Variants in PTK2B observed in about 807,000 individuals in gnomAD.
PTK2B encodes protein-tyrosine kinase 2-beta.
Under a neutral mutation model 142.9 loss-of-function variants are expected in PTK2B, and 71 were observed. The observed-to-expected ratio is 0.50, with a 90% CI of 0.41 to 0.61. PTK2B has a LOEUF of 0.61. Ranked by LOEUF, PTK2B falls within the 20% of genes least tolerant of loss-of-function variation. The probability of loss-of-function intolerance (pLI) is 0.00; values close to 1 mark genes in which losing one functional copy is unlikely to be tolerated. For synonymous variants in PTK2B, 519 were observed against 503.4 expected (o/e 1.03, Z -0.42); for missense variants, 1,105 against 1,320.4 (o/e 0.84, Z 2.53).
intron 2 of PTK2B, among the ~76,000 whole-genome samples, chr8:27,419,005 G>A (rs1393797928): frequency 6.6e-6 from 1 of 151,454 alleles, no homozygotes; most frequent in African/African-American, 2.4e-5. Flanking sequence ...TCCAGCCTGG[G>A]TGACAGAGCG....
intron 1 of PTK2B, among the ~76,000 whole-genome samples, chr8:27,380,137 A>T (rs1473283619): frequency 6.6e-6 from 1 of 151,252 alleles, no homozygotes; most frequent in Non-Finnish European, 1.5e-5. Context: ...ATTCTCAGGG[A>T]CTTGCTACTC....
chr8:27,437,017 C>G, intron 15 of PTK2B, 105 bp from the exon 16 acceptor site: 1 of 1,095,294 alleles, frequency 9.1e-7, no homozygotes, highest in Non-Finnish European at 1.4e-6. Context: ...AGAAAGGGCC[C>G]TTTCCTGGCA....
At chr8:27,339,359 C>T (rs188226259) in intron 1 of PTK2B, among the ~76,000 whole-genome samples, 9 of 152,318 alleles carry the variant, frequency 5.9e-5, no homozygotes, top group Non-Finnish European at 1.0e-4. Flanking sequence ...TCTCCTTCTA[C>T]CTTCTCTGGG....
chr8:27,453,721 T>C (rs1406468701), intron 28 of PTK2B, among the ~76,000 whole-genome samples: 2 of 152,116 alleles, frequency 1.3e-5, no homozygotes, highest in African/African-American at 4.8e-5. Context: ...CTTTACTAAA[T>C]TTTTTTAAAA....
chr8:27,406,383 C>A (rs11135991), intron 2 of PTK2B, among the ~76,000 whole-genome samples: 1 of 151,994 alleles, frequency 6.6e-6, no homozygotes, highest in East Asian at 1.9e-4. Context: ...CCCATTATGA[C>A]CTTCAATTCA....
At chr8:27,453,242 A>T in intron 28 of PTK2B, 82 bp downstream of exon 28, 2 of 1,553,618 alleles carry the variant, frequency 1.3e-6, no homozygotes, top group Non-Finnish European at 1.8e-6. Context: ...AAAGATTCAC[A>T]GTTCTCAGAT....
intron 2 of PTK2B, among the ~76,000 whole-genome samples, chr8:27,401,716 A>G (rs894317224): frequency 6.6e-6 from 1 of 152,240 alleles, no homozygotes; most frequent in Admixed American, 6.5e-5. Context: ...ATTTAAAACT[A>G]TGAGTGACAT....
intron 1 of PTK2B, among the ~76,000 whole-genome samples, chr8:27,370,262 C>T (rs1211915409): frequency 6.6e-6 from 1 of 152,202 alleles, no homozygotes; most frequent in Non-Finnish European, 1.5e-5. Context: ...GTGCACTACC[C>T]AGTGGATTTA....
At chr8:27,310,681 G>T, upstream of PTK2B, 1 of 1,198,842 alleles carries the variant, frequency 8.3e-7, no homozygotes, top group Non-Finnish European at 1.2e-6. Context: ...GGTCCTGCAT[G>T]CTGGGAGCGA....
intron 1 of PTK2B, among the ~76,000 whole-genome samples, chr8:27,359,970 A>G (rs1586157352): frequency 1.3e-5 from 2 of 152,320 alleles, no homozygotes; most frequent in South Asian, 4.1e-4. Context: ...GGTGGCCTCC[A>G]TAGCTTTAGT....
At chr8:27,382,997 C>G (rs984036159) in intron 1 of PTK2B, among the ~76,000 whole-genome samples, 3 of 152,084 alleles carry the variant, frequency 2.0e-5, no homozygotes, top group Non-Finnish European at 4.4e-5. Flanking sequence ...ATGCCTCCAG[C>G]TTTGCTCTTT....
intron 2 of PTK2B, 88 bp from the exon 3 acceptor site, chr8:27,419,792 CAGAATCCCACCCTAG>C: frequency 7.9e-7 from 1 of 1,263,790 alleles, no homozygotes; most frequent in Non-Finnish European, 1.1e-6. Context: ...AACATGAAGA[CAGAATCCCACCCTAG>C]AGAATCCCAC....
At chr8:27,414,795 T>C (rs1045860855) in intron 2 of PTK2B, among the ~76,000 whole-genome samples, 3 of 152,060 alleles carry the variant, frequency 2.0e-5, no homozygotes, top group Non-Finnish European at 2.9e-5. Context: ...CTCCCCCCTT[T>C]GGTTACTTCT....
At position 27,434,576 on chromosome 8, in the gene PTK2B, A is replaced by G. The variant is rs1810656350; in HGVS notation, c.1192+17A>G. ...GCAGCATAGGTGAGCTGCCCGCTGC[A>G]TCCTCCACCTGCTCCAGTTGCCTCC... is the stretch of plus-strand genomic sequence containing the variant. On this transcript the variant is annotated intron_variant, in intron 13 of 30. Coordinates refer to ENST00000346049, the MANE Select transcript of PTK2B (RefSeq NM_173176.3). 6.3e-7 allele frequency: 1 copy of G among 1,596,658 alleles called. No individual in the cohort carries two copies.
intron 2 of PTK2B, among the ~76,000 whole-genome samples, chr8:27,407,825 GCTAGCTA>G (rs1465472635): frequency 6.6e-6 from 1 of 152,094 alleles, no homozygotes; most frequent in African/African-American, 2.4e-5. Flanking sequence ...CCATCACAAT[GCTAGCTA>G]CCATTTTTTG....
chr8:27,385,290 G>A (rs995059769), intron 1 of PTK2B, among the ~76,000 whole-genome samples: 3 of 152,316 alleles, frequency 2.0e-5, no homozygotes, highest in South Asian at 2.1e-4. Context: ...GGAAGAGGAC[G>A]AATGCTCAAG....
At chr8:27,400,985 A>G (rs1485033982) in intron 2 of PTK2B, among the ~76,000 whole-genome samples, 1 of 152,016 alleles carries the variant, frequency 6.6e-6, no homozygotes, top group Non-Finnish European at 1.5e-5. Context: ...ATCTCTACCA[A>G]AAAATTAGCT....
chr8:27,442,899 C>T lies in PTK2B; in HGVS notation c.2064C>T (p.Asp688=). The T allele has an allele frequency of 6.2e-7, 1 of 1,614,144 alleles. No individual in the cohort carries two copies. The highest frequency in any genetic ancestry group is 8.5e-7 in the Non-Finnish European group (1 of 1,179,986). ...SLSDVYQMEK[D]IAMEQERNAR... ...GTGACGTTTATCAGATGGAGAAGGACATTGCCATGGAGCAAGAGAGGAATG... is the reference window on the plus strand; with the variant it reads ...GTGACGTTTATCAGATGGAGAAGGATATTGCCATGGAGCAAGAGAGGAATG... The change falls in exon 22 of 31, where the codon GAC becomes GAT. Residue 688 remains aspartate, a synonymous_variant. Transcript: ENST00000346049.
At chr8:27,315,172 T>C (rs1490135961) in intron 3 of PTK2B, among the ~76,000 whole-genome samples, 2 of 152,196 alleles carry the variant, frequency 1.3e-5, no homozygotes, top group African/African-American at 2.4e-5. Flanking sequence ...GCCTTCAGTG[T>C]TTCTTAAATG....
Sources: gnomAD v4.1 joint callset for allele counts (sites outside exome capture counted in the v4.1 genomes callset) on GRCh38, gnomAD v4.1.1 for gene constraint, MANE v1.5 for transcripts, NCBI Gene and HGNC (gene_info 2026-07-23, HGNC 2026-07-21) for gene names.